EDA: variants seen among roughly 807,000 people sequenced by gnomAD.
EDA encodes ectodysplasin A, also known as ectodysplasin-A.
In EDA, 2 loss-of-function variants were observed where a neutral mutation model predicts 23.6. The ratio of observed to expected loss-of-function variants is 0.08; its 90% CI spans 0.03 to 0.27. The LOEUF (loss-of-function observed/expected upper bound fraction) is 0.27, where lower values mean the gene tolerates loss of function less well. Ranked by LOEUF, EDA falls within the 10% of genes least tolerant of loss-of-function variation. The pLI is 1.00. For missense variants in EDA, 229 were observed against 324.2 expected, an observed-to-expected ratio of 0.71 and a Z score of 2.26; for synonymous variants, 131 against 132.0, an observed-to-expected ratio of 0.99 and a Z score of 0.05.
intron 7 of EDA, among the ~76,000 whole-genome samples, chrX:70,034,411 G>A (rs1476148359): frequency 9.0e-6 from 1 of 111,659 alleles, no homozygotes; most frequent in Non-Finnish European, 1.9e-5. Context: ...CACCTGAAGA[G>A]CTGATAGAGG....
At chrX:69,894,248 C>T (rs1273239822) in intron 1 of EDA, among the ~76,000 whole-genome samples, 2 of 110,690 alleles carry the variant, frequency 1.8e-5, no homozygotes. Context: ...TATTTCTGTT[C>T]CGTTGGACTG....
intron 1 of EDA, among the ~76,000 whole-genome samples, chrX:69,624,732 T>C (rs1280594220): frequency 9.2e-6 from 1 of 109,159 alleles, no homozygotes; most frequent in African/African-American, 3.3e-5. Flanking sequence ...TCTCCCTCTT[T>C]GAAGGGTCCT....
intron 1 of EDA, among the ~76,000 whole-genome samples, chrX:69,903,533 C>T (rs1170478662): frequency 9.2e-6 from 1 of 108,529 alleles, no homozygotes; most frequent in Non-Finnish European, 1.9e-5. Context: ...ATTTTCTCTT[C>T]TGAAGTTTCT....
At chrX:69,748,534 A>G (rs1325046211) in intron 1 of EDA, among the ~76,000 whole-genome samples, 1 of 111,666 alleles carries the variant, frequency 9.0e-6, no homozygotes, top group Non-Finnish European at 1.9e-5. Flanking sequence ...AAGGAATTAT[A>G]ACTTCAATAT....
In EDA at chrX:69,616,628, G is replaced by C; in HGVS notation, c.320G>C (p.Gly107Ala). The change falls in exon 1 of 8, where the codon GGG becomes GCG. Residue 107 changes from glycine (G) to alanine (A), a missense_variant. By Grantham distance (60) the Gly-to-Ala change is moderately conservative. Coordinates refer to ENST00000374552, the MANE Select transcript of EDA (RefSeq NM_001399.5). Reference protein sequence around the residue: ...DPDSPITSHLGQPSPKQQPLE... With the variant: ...DPDSPITSHLAQPSPKQQPLE... Reference sequence around the variant, plus strand: ...GACAGCCCCATCACCAGTCACCTTGGGCAGCCGTCACCTAAGCAGCAGCCA... The same window carrying C: ...GACAGCCCCATCACCAGTCACCTTGCGCAGCCGTCACCTAAGCAGCAGCCA... The C allele has an allele frequency of 1.7e-6, 2 of 1,211,646 alleles. No homozygotes were observed. The highest frequency in any genetic ancestry group is 2.2e-5 in the Admixed American group (1 of 46,121).
intron 1 of EDA, among the ~76,000 whole-genome samples, chrX:69,863,904 A>G (rs2017442135): frequency 9.1e-6 from 1 of 110,380 alleles, no homozygotes; most frequent in South Asian, 3.8e-4. Flanking sequence ...AGCTTTTCAC[A>G]TGTAGCATTA....
At chrX:69,847,438 A>C (rs1285781655) in intron 1 of EDA, among the ~76,000 whole-genome samples, 1 of 109,429 alleles carries the variant, frequency 9.1e-6, no homozygotes, top group Non-Finnish European at 1.9e-5. Context: ...TCACCAAAAA[A>C]CTCCTTCATA....
intron 1 of EDA, among the ~76,000 whole-genome samples, chrX:69,817,008 C>G (rs1001640103): frequency 2.7e-5 from 3 of 111,406 alleles, no homozygotes; most frequent in Non-Finnish European, 5.7e-5. Flanking sequence ...ATACTAACAG[C>G]GGACCTCTCA....
At chrX:69,754,599 A>G (rs1569319833) in intron 1 of EDA, among the ~76,000 whole-genome samples, 1 of 111,185 alleles carries the variant, frequency 9.0e-6, no homozygotes, top group Admixed American at 9.6e-5. Flanking sequence ...CTGAATTTGA[A>G]TGTTGGCCTG....
rs762813449 is a variant in EDA, at chrX:69,821,783, C to T, written c.397-135244C>T. On this transcript the variant is annotated intron_variant, in intron 1 of 7. Transcript: ENST00000374552. Reference sequence around the variant, plus strand: ...ATCAGATTTACTCTTCTGGGTGCCTCTTGGATGTTTTTCAGTTTTTTTAAA... The same window carrying T: ...ATCAGATTTACTCTTCTGGGTGCCTTTTGGATGTTTTTCAGTTTTTTTAAA... 1.1e-3 allele frequency among the ~76,000 whole-genome samples: 125 copies of T among 111,763 alleles called. 1 individual carries two copies. Among genetic ancestry groups the T allele is most frequent in the Non-Finnish European group, 1.8e-3 (97 of 53,169 alleles).
intron 1 of EDA, among the ~76,000 whole-genome samples, chrX:69,879,143 G>C (rs1335926445): frequency 9.1e-6 from 1 of 109,748 alleles, no homozygotes; most frequent in Non-Finnish European, 1.9e-5. Context: ...TTAGTGGCTA[G>C]TCTGGAACCT....
At chrX:69,993,736 T>G in intron 2 of EDA, among the ~76,000 whole-genome samples, 1 of 112,164 alleles carries the variant, frequency 8.9e-6, no homozygotes, top group Non-Finnish European at 1.9e-5. Context: ...GAATGACTGC[T>G]TTACTTGTTT....
chrX:69,895,248 G>C (rs150572951), intron 1 of EDA, among the ~76,000 whole-genome samples: 1 of 110,544 alleles, frequency 9.0e-6, no homozygotes, highest in African/African-American at 3.3e-5. Flanking sequence ...TTGCATCGAA[G>C]GAATAAAGCC....
intron 1 of EDA, among the ~76,000 whole-genome samples, chrX:69,681,610 G>A (rs1386365275): frequency 2.7e-4 from 30 of 110,426 alleles, no homozygotes; most frequent in African/African-American, 6.9e-4. Flanking sequence ...CCAGTTGATC[G>A]CATCGGCTCC....
chrX:69,678,442 TC>T (rs759207048), intron 1 of EDA, among the ~76,000 whole-genome samples: 1 of 112,160 alleles, frequency 8.9e-6, no homozygotes, highest in South Asian at 3.7e-4. Flanking sequence ...TATTGATTCT[TC>T]CTACCCATAA....
chrX:69,641,819 C>T (rs1013570366), intron 1 of EDA, among the ~76,000 whole-genome samples: 11 of 111,384 alleles, frequency 9.9e-5, no homozygotes, highest in African/African-American at 3.6e-4. Context: ...GACAAGAGCT[C>T]GGATTATAGA....
intron 1 of EDA, among the ~76,000 whole-genome samples, chrX:69,627,964 T>G: frequency 9.0e-6 from 1 of 111,681 alleles, no homozygotes; most frequent in East Asian, 2.8e-4. Context: ...TGAAACCACT[T>G]TAAAATAATA....
intron 1 of EDA, among the ~76,000 whole-genome samples, chrX:69,725,758 G>A (rs752818646): frequency 1.5e-4 from 17 of 112,018 alleles, no homozygotes; most frequent in Non-Finnish European, 2.3e-4. Flanking sequence ...TTGTTTTGAC[G>A]GACTAACTGG....
At chrX:69,694,718 C>T (rs969017597) in intron 1 of EDA, among the ~76,000 whole-genome samples, 2 of 111,873 alleles carry the variant, frequency 1.8e-5, no homozygotes, top group African/African-American at 6.5e-5. Context: ...TTTAAGATAA[C>T]TAGAATTATG....
Sources: gnomAD v4.1 joint callset for allele counts (sites outside exome capture counted in the v4.1 genomes callset) on GRCh38, gnomAD v4.1.1 for gene constraint, MANE v1.5 for transcripts, NCBI Gene and HGNC (gene_info 2026-07-23, HGNC 2026-07-21) for gene names.